Variants in NCALD observed in about 807,000 individuals in gnomAD.
NCALD encodes the protein neurocalcin delta.
In NCALD, 10 loss-of-function variants were observed where a neutral mutation model predicts 18.6. The ratio of observed to expected loss-of-function variants is 0.54; its 90% CI spans 0.33 to 0.91. NCALD has a LOEUF of 0.91. Among genes scored for constraint, NCALD ranks in the 40% least tolerant of loss-of-function variants. The pLI is 0.03. For synonymous variants in NCALD, 88 were observed against 87.4 expected (o/e 1.01, Z -0.04); for missense variants, 184 against 247.6 (o/e 0.74, Z 1.72).
chr8:101,875,044 T>A (rs1181016980), intron 4 of NCALD, among the ~76,000 whole-genome samples: 1 of 152,202 alleles, frequency 6.6e-6, no homozygotes. Context: ...CATAACTGCA[T>A]AATAATAATG....
chr8:101,851,549 G>A (rs1480816688), intron 4 of NCALD, among the ~76,000 whole-genome samples: 1 of 151,912 alleles, frequency 6.6e-6, no homozygotes, highest in Non-Finnish European at 1.5e-5. Context: ...AATAAATGAT[G>A]GCAACACAAT....
At position 101,689,480 on chromosome 8, in the gene NCALD, G is replaced by A; in HGVS notation, c.485-74C>T. On this transcript the variant is annotated intron_variant, in intron 3 of 3. Coordinates refer to ENST00000220931, the MANE Select transcript of NCALD (RefSeq NM_032041.3). This position sits in a 1 kb window ranked among gnomAD's most constrained non-coding sequence, Gnocchi z 4.4. The stretch of plus-strand genomic sequence containing the variant: ...GCTTACACCCTTCCCACTACTGCGT[G>A]CTGGGCAGTGTCGATTCACCTGCCT... 7 of 1,174,614 alleles carry A rather than the reference G, an allele frequency of 6.0e-6. No homozygotes were observed. The highest frequency in any genetic ancestry group is 8.6e-6 in the Non-Finnish European group (7 of 810,502). The allele number at this position is 1,174,614 out of a possible 1,614,324, so 72.8% of individuals were successfully genotyped here.
intron 1 of NCALD, among the ~76,000 whole-genome samples, chr8:101,720,444 A>G (rs746522501): frequency 3.3e-5 from 5 of 152,224 alleles, no homozygotes; most frequent in Admixed American, 6.5e-5. Context: ...AAAAAGCAGT[A>G]TCACTTCAAA....
At chr8:101,848,328 C>T (rs1400141778) in intron 4 of NCALD, among the ~76,000 whole-genome samples, 1 of 151,942 alleles carries the variant, frequency 6.6e-6, no homozygotes, top group Admixed American at 6.6e-5. Context: ...AGTGAAGTGG[C>T]TTGGATACTA....
At chr8:102,022,647 C>G (rs564156330) in intron 1 of NCALD, among the ~76,000 whole-genome samples, 55 of 152,262 alleles carry the variant, frequency 3.6e-4, no homozygotes, top group African/African-American at 1.3e-3. Context: ...CCAGCAGGAG[C>G]AAAGCAAAGG....
intron 1 of NCALD, among the ~76,000 whole-genome samples, chr8:102,073,854 T>C (rs1824259368): frequency 6.6e-6 from 1 of 152,226 alleles, no homozygotes; most frequent in Admixed American, 6.5e-5. Context: ...TGGTTGAAAT[T>C]GCTGTCTCTT....
chr8:101,705,603 C>T (rs1563675084), intron 2 of NCALD, among the ~76,000 whole-genome samples: 1 of 152,092 alleles, frequency 6.6e-6, no homozygotes. Context: ...TAGGGGTGGA[C>T]AGGAGAAGTG....
chr8:101,938,537 A>C (rs948164483), intron 2 of NCALD, among the ~76,000 whole-genome samples: 1 of 152,226 alleles, frequency 6.6e-6, no homozygotes, highest in Non-Finnish European at 1.5e-5. Context: ...CAGATCACAT[A>C]TATCGGGATA....
chr8:102,040,942 T>C (rs1417807342), intron 1 of NCALD, among the ~76,000 whole-genome samples: 9 of 149,318 alleles, frequency 6.0e-5, no homozygotes, highest in Admixed American at 2.6e-4. Context: ...GATGTGGTTA[T>C]ACCCTGTAAA....
intron 1 of NCALD, among the ~76,000 whole-genome samples, chr8:102,048,580 C>T (rs1419031782): frequency 6.6e-6 from 1 of 152,184 alleles, no homozygotes; most frequent in Non-Finnish European, 1.5e-5. Flanking sequence ...TGAGAAATAT[C>T]TATAGGGGAG....
At chr8:102,089,652 T>C (rs560995857) in intron 1 of NCALD, among the ~76,000 whole-genome samples, 1 of 151,942 alleles carries the variant, frequency 6.6e-6, no homozygotes, top group African/African-American at 2.4e-5. Flanking sequence ...GTAAAGAAAG[T>C]GAAAGGTGTT....
intron 4 of NCALD, among the ~76,000 whole-genome samples, chr8:101,879,260 T>C (rs1006929536): frequency 6.6e-5 from 10 of 152,140 alleles, no homozygotes; most frequent in Admixed American, 2.6e-4. Flanking sequence ...TTCCTAAAGA[T>C]GGTGTGTCTG....
At chr8:101,825,855 A>C (rs569619283) in intron 4 of NCALD, among the ~76,000 whole-genome samples, 1 of 152,328 alleles carries the variant, frequency 6.6e-6, no homozygotes, top group South Asian at 2.1e-4. Flanking sequence ...ATAAGTAAAT[A>C]AGCATGGCTG....
chr8:101,857,187 T>G (rs1815354883), intron 4 of NCALD, among the ~76,000 whole-genome samples: 1 of 152,198 alleles, frequency 6.6e-6, no homozygotes, highest in African/African-American at 2.4e-5. Flanking sequence ...TGCTTCAGAT[T>G]TTAACTTTCA....
At chr8:101,697,205 T>C (rs1416182005) in intron 2 of NCALD, among the ~76,000 whole-genome samples, 4 of 151,680 alleles carry the variant, frequency 2.6e-5, no homozygotes, top group Non-Finnish European at 5.9e-5. Flanking sequence ...AAGAAATGTA[T>C]AAATTCCTGG....
chr8:101,942,933 G>T (rs1184976758), intron 2 of NCALD, among the ~76,000 whole-genome samples: 2 of 152,126 alleles, frequency 1.3e-5, no homozygotes, highest in African/African-American at 4.8e-5. Flanking sequence ...GATGAGTGGT[G>T]GACTAGATAT....
intron 4 of NCALD, among the ~76,000 whole-genome samples, chr8:101,838,254 G>A (rs1814494540): frequency 6.6e-6 from 1 of 151,360 alleles, no homozygotes; most frequent in Non-Finnish European, 1.5e-5. Flanking sequence ...ATGGATTCTT[G>A]CCCTGTCGCC....
chr8:102,041,815 C>A (rs1283277550), intron 1 of NCALD, among the ~76,000 whole-genome samples: 1 of 149,818 alleles, frequency 6.7e-6, no homozygotes, highest in Non-Finnish European at 1.5e-5. Flanking sequence ...AGGCAACAAT[C>A]AAGAGGAAAT....
At chr8:102,115,379 C>G (rs1825753213) in intron 1 of NCALD, among the ~76,000 whole-genome samples, 1 of 152,078 alleles carries the variant, frequency 6.6e-6, no homozygotes. Context: ...ATTAGCTGCC[C>G]CCTAGAGAGA....
Sources: gnomAD v4.1 joint callset for allele counts (sites outside exome capture counted in the v4.1 genomes callset) on GRCh38, gnomAD v4.1.1 for gene constraint, Gnocchi (gnomAD v3.1) non-coding constraint, MANE v1.5 for transcripts, NCBI Gene and HGNC (gene_info 2026-07-23, HGNC 2026-07-21) for gene names.